The following SGCZ variants were observed in gnomAD, a reference collection of about 807,000 sequenced individuals.
SGCZ encodes the protein zeta-sarcoglycan.
In SGCZ, 40 loss-of-function variants were observed where a neutral mutation model predicts 41.3. The ratio of observed to expected loss-of-function variants is 0.97; its 90% CI spans 0.75 to 1.26. SGCZ has a LOEUF of 1.26. Ranked by LOEUF, SGCZ falls within the 50% of genes most tolerant of loss-of-function variation. The pLI, the probability that SGCZ is intolerant of heterozygous loss-of-function variation, is 0.00. For missense variants in SGCZ, 552 were observed against 369.8 expected (o/e 1.49, Z -4.04); for synonymous variants, 206 against 137.5 (o/e 1.50, Z -3.49).
At chr8:14,759,457 A>AT (rs746963752) in intron 1 of SGCZ, among the ~76,000 whole-genome samples, 3 of 152,186 alleles carry the variant, frequency 2.0e-5, no homozygotes, top group Non-Finnish European at 4.4e-5. Flanking sequence ...CACATTTAAT[A>AT]TTTTTGTACA....
chr8:14,789,761 C>T (rs1214079583), intron 1 of SGCZ, among the ~76,000 whole-genome samples: 1 of 152,092 alleles, frequency 6.6e-6, no homozygotes, highest in African/African-American at 2.4e-5. Flanking sequence ...ATTGTTCTGA[C>T]TAGACCAGTT....
chr8:15,107,681 AC>A (rs1806885456), intron 1 of SGCZ, among the ~76,000 whole-genome samples: 1 of 152,134 alleles, frequency 6.6e-6, no homozygotes, highest in Admixed American at 6.6e-5. Context: ...GTTTTAAGTT[AC>A]CCAGCCTCAG....
At chr8:14,412,820 A>G (rs1799396909) in intron 2 of SGCZ, among the ~76,000 whole-genome samples, 1 of 152,084 alleles carries the variant, frequency 6.6e-6, no homozygotes, top group Admixed American at 6.6e-5. Context: ...TAATTAAAAT[A>G]GTTGAACTTG....
chr8:15,058,285 T>G (rs1310520128), intron 1 of SGCZ, among the ~76,000 whole-genome samples: 2 of 152,148 alleles, frequency 1.3e-5, no homozygotes, highest in Non-Finnish European at 2.9e-5. Flanking sequence ...TATACTGTGA[T>G]CTGTGTTGAA....
chr8:14,441,323 T>A (rs1800255285), intron 2 of SGCZ, among the ~76,000 whole-genome samples: 1 of 152,310 alleles, frequency 6.6e-6, no homozygotes, highest in South Asian at 2.1e-4. Context: ...ACGCCCGTAA[T>A]CCCAGCACTT....
chr8:15,020,915 G>T (rs1803224955), intron 1 of SGCZ, among the ~76,000 whole-genome samples: 1 of 152,094 alleles, frequency 6.6e-6, no homozygotes, highest in African/African-American at 2.4e-5. Flanking sequence ...GTTAAAAGTG[G>T]TTATTTTAGT....
intron 1 of SGCZ, among the ~76,000 whole-genome samples, chr8:14,687,337 C>G (rs1808645322): frequency 1.5e-5 from 1 of 66,254 alleles, no homozygotes; most frequent in Non-Finnish European, 2.7e-5. Context: ...AAAGCTATCC[C>G]TCCCCCCTCC....
intron 3 of SGCZ, among the ~76,000 whole-genome samples, chr8:14,307,527 C>A (rs1278453087): frequency 5.3e-5 from 8 of 152,036 alleles, no homozygotes; most frequent in Admixed American, 5.2e-4. Context: ...CCTAACCTTT[C>A]TTCAGCAAAA....
chr8:15,204,843 G>C (rs1276265537), intron 1 of SGCZ, among the ~76,000 whole-genome samples: 3 of 152,016 alleles, frequency 2.0e-5, no homozygotes, highest in African/African-American at 7.2e-5. Context: ...CCAAGAGAGG[G>C]GAACTATCTG....
chr8:14,696,112 G>A (rs922420762), intron 1 of SGCZ, among the ~76,000 whole-genome samples: 5 of 151,940 alleles, frequency 3.3e-5, no homozygotes, highest in Admixed American at 2.6e-4. Context: ...TTTTTTTCAG[G>A]TTGTAGAAAA....
intron 1 of SGCZ, among the ~76,000 whole-genome samples, chr8:14,869,682 A>G (rs1804072595): frequency 1.3e-5 from 2 of 152,222 alleles, no homozygotes; most frequent in Non-Finnish European, 2.9e-5. Context: ...ATGTATATTT[A>G]GAAAACCCCA....
At position 14,717,662 on chromosome 8, in the gene SGCZ, A is replaced by G. The variant is rs555349058; in HGVS notation, c.40-162736T>C. Among the ~76,000 whole-genome samples, 9 of 152,226 alleles carry G rather than the reference A, an allele frequency of 5.9e-5. 1 individual carries two copies. Among genetic ancestry groups the G allele is most frequent in the African/African-American group, 1.9e-4 (8 of 41,546 alleles). Reference sequence around the variant, plus strand: ...AATGTTTTGCTGTGGTAGTCATTACATTCTTAATAATTTTTGAAAATAGGG... The same window carrying G: ...AATGTTTTGCTGTGGTAGTCATTACGTTCTTAATAATTTTTGAAAATAGGG... On this transcript the variant is annotated intron_variant, in intron 1 of 7. Coordinates refer to ENST00000382080, the MANE Select transcript of SGCZ (RefSeq NM_139167.4).
intron 1 of SGCZ, among the ~76,000 whole-genome samples, chr8:15,207,776 T>C (rs1475292574): frequency 6.6e-6 from 1 of 152,134 alleles, no homozygotes; most frequent in Non-Finnish European, 1.5e-5. Flanking sequence ...CCAGAGCTTT[T>C]TTATATAAGG....
intron 1 of SGCZ, among the ~76,000 whole-genome samples, chr8:14,750,768 T>C (rs537009060): frequency 6.6e-6 from 1 of 152,342 alleles, no homozygotes; most frequent in South Asian, 2.1e-4. Flanking sequence ...GCTTCGTTTA[T>C]TTAAATCCAG....
At chr8:14,504,996 G>T (rs1484595068) in intron 2 of SGCZ, among the ~76,000 whole-genome samples, 1 of 151,776 alleles carries the variant, frequency 6.6e-6, no homozygotes, top group Non-Finnish European at 1.5e-5. Context: ...TCGGTTTGTT[G>T]CAGTTTTGAT....
intron 3 of SGCZ, among the ~76,000 whole-genome samples, chr8:14,238,511 G>C (rs1405026565): frequency 3.3e-5 from 5 of 152,056 alleles, no homozygotes; most frequent in Admixed American, 1.3e-4. Flanking sequence ...GTAACGTGTT[G>C]ACTTTTATTA....
At chr8:14,275,086 A>T (rs888086183) in intron 3 of SGCZ, among the ~76,000 whole-genome samples, 1 of 152,214 alleles carries the variant, frequency 6.6e-6, no homozygotes, top group African/African-American at 2.4e-5. Flanking sequence ...ATGTAGGAAT[A>T]CAGAACACAA....
At chr8:14,833,785 G>A (rs769171604) in intron 1 of SGCZ, among the ~76,000 whole-genome samples, 4 of 151,000 alleles carry the variant, frequency 2.6e-5, no homozygotes, top group Non-Finnish European at 5.9e-5. Flanking sequence ...TTCAATCTTG[G>A]AAGAAAGAAG....
At chr8:14,524,313 A>G (rs1802876434) in intron 2 of SGCZ, among the ~76,000 whole-genome samples, 1 of 151,664 alleles carries the variant, frequency 6.6e-6, no homozygotes, top group African/African-American at 2.4e-5. Context: ...GATCCTGTCC[A>G]TTGAAACCCG....
Sources: allele counts gnomAD v4.1 joint callset (sites outside exome capture counted in the v4.1 genomes callset), GRCh38; gene constraint gnomAD v4.1.1; transcripts MANE v1.5; gene names NCBI Gene and HGNC (gene_info 2026-07-23, HGNC 2026-07-21).